The following RAD21 variants were observed in gnomAD, a reference collection of about 807,000 sequenced individuals.
RAD21 encodes double-strand-break repair protein rad21 homolog.
A neutral mutation model predicts 71.5 loss-of-function variants in RAD21; 18 were observed. The observed-to-expected ratio is 0.25, with a 90% CI of 0.17 to 0.37. The LOEUF (loss-of-function observed/expected upper bound fraction) is 0.37. Among genes scored for constraint, RAD21 ranks in the 10% least tolerant of loss-of-function variants. RAD21 has a pLI of 1.00. For synonymous variants in RAD21, 248 were observed against 254.0 expected (o/e 0.98, Z 0.22); for missense variants, 493 against 769.1 (o/e 0.64, Z 4.25).
Position 116,846,784 on chromosome 8 carries a change from G to A in RAD21, c.*716C>T. 4.5e-6 allele frequency: 1 copy of A among 219,834 alleles called. No individual in the cohort carries two copies. Among genetic ancestry groups the A allele is most frequent in the Non-Finnish European group, 9.1e-6 (1 of 109,624 alleles). The allele number at this position is 219,834 out of a possible 1,614,324, so 13.6% of individuals were successfully genotyped here. A position where few individuals can be genotyped will look rare whatever the true frequency, so the allele number is the denominator to read the frequency against. On this transcript the variant is annotated 3_prime_UTR_variant, in exon 14 of 14. Transcript: ENST00000297338. ...CTCTACTCTAATCAGGCCTAGCTTT[G>A]CTCATTTTGGAGCCTCACTAAAATA...
At chr8:116,851,663 T>G in intron 11 of RAD21, 1 of 262,460 alleles carries the variant, frequency 3.8e-6, no homozygotes. Flanking sequence ...CAGGAATGTT[T>G]GCCAAATAAT....
intron 7 of RAD21, 79 bp downstream of exon 7, chr8:116,856,565 TTA>T: frequency 7.8e-6 from 11 of 1,403,490 alleles, no homozygotes; most frequent in Non-Finnish European, 1.0e-5. Flanking sequence ...ACTACAACTT[TTA>T]GTTTGTCATC....
chr8:116,852,031 T>C lies in RAD21; in HGVS notation c.1387A>G (p.Ile463Val), dbSNP rs1191248488. The C allele has an allele frequency of 6.2e-7, 1 of 1,613,118 alleles. No individual in the cohort carries two copies. Among genetic ancestry groups the C allele is most frequent in the Admixed American group, 1.7e-5 (1 of 59,982 alleles). Reference protein sequence around the residue: ...ESVMEASRTNIDESAMPPPPP... With the variant: ...ESVMEASRTNVDESAMPPPPP... ...GGTGGAGGCATAGCTGACTCATCTATGTTTGTTCTGCTGGCCTCCATCACT... is the reference window on the plus strand; with the variant it reads ...GGTGGAGGCATAGCTGACTCATCTACGTTTGTTCTGCTGGCCTCCATCACT... The change falls in exon 11 of 14, where the codon ATA (isoleucine) becomes GTA (valine). Residue 463 changes from isoleucine (I) to valine (V), a missense_variant. Coordinates refer to ENST00000297338, the MANE Select transcript of RAD21 (RefSeq NM_006265.3).
At chr8:116,858,311 T>A in intron 5 of RAD21, 41 bp downstream of exon 5, 1 of 1,460,186 alleles carries the variant, frequency 6.8e-7, no homozygotes, top group Non-Finnish European at 9.6e-7. Flanking sequence ...CAACACAATA[T>A]AACATTATAA....
rs745435820 is a variant in RAD21, at chr8:116,857,391, A to C, written c.564T>G (p.Thr188=). 28 of 1,613,246 alleles carry C rather than the reference A, an allele frequency of 1.7e-5. No individual in the cohort carries two copies. Among genetic ancestry groups the C allele is most frequent in the Non-Finnish European group, 2.2e-5 (26 of 1,179,690 alleles). The change falls in exon 6 of 14, where the codon ACT becomes ACG. Residue 188 remains threonine, a synonymous_variant. Coordinates refer to ENST00000297338, the MANE Select transcript of RAD21 (RefSeq NM_006265.3). ...EDDDMLVSTT[T]SNLLLESEQS... ...GTTCAGACTCTAATAGGAGGTTAGAAGTAGTAGTGCTTACTAACATGTCGT... is the reference window on the plus strand; with the variant it reads ...GTTCAGACTCTAATAGGAGGTTAGACGTAGTAGTGCTTACTAACATGTCGT...
At chr8:116,852,258 A>AT in intron 10 of RAD21, 162 bp from the exon 11 acceptor site, 1 of 732,356 alleles carries the variant, frequency 1.4e-6, no homozygotes, top group Non-Finnish European at 2.1e-6. Flanking sequence ...CTCAATTTTT[A>AT]GCAATATACG....
Position 116,857,278 on chromosome 8 carries a change from C to T in RAD21, c.677G>A (p.Gly226Asp). ...KDDNFGEGND[G>D]GILDDKLISN... ...TCATTCCCACATACCTAATATTCCACCATCATTTCCTTCTCCAAAATTATC... is the reference window on the plus strand; with the variant it reads ...TCATTCCCACATACCTAATATTCCATCATCATTTCCTTCTCCAAAATTATC... Residue 226 changes from glycine to aspartate, a missense_variant, in exon 6 of 14, where the codon GGT becomes GAT. Coordinates refer to ENST00000297338, the MANE Select transcript of RAD21 (RefSeq NM_006265.3). The T allele has an allele frequency of 6.2e-7, 1 of 1,604,788 alleles. No individual in the cohort carries two copies. The highest frequency in any genetic ancestry group is 8.5e-7 in the Non-Finnish European group (1 of 1,173,896).
At chr8:116,866,465 C>A in intron 2 of RAD21, 121 bp downstream of exon 2, 2 of 809,768 alleles carry the variant, frequency 2.5e-6, no homozygotes, top group Non-Finnish European at 1.8e-6. Context: ...AATAAAGAAA[C>A]ATTTCTAAGG....
intron 2 of RAD21, among the ~76,000 whole-genome samples, chr8:116,865,721 C>T (rs1812675968): frequency 6.6e-6 from 1 of 152,090 alleles, no homozygotes; most frequent in South Asian, 2.1e-4. Flanking sequence ...GGTATGCCTT[C>T]TAGGCTTTCC....
At chr8:116,864,963 C>T (rs2130482537) in intron 2 of RAD21, among the ~76,000 whole-genome samples, 1 of 152,236 alleles carries the variant, frequency 6.6e-6, no homozygotes, top group East Asian at 1.9e-4. Flanking sequence ...TGCAAGCTTG[C>T]AGTTGCAAAT....
intron 11 of RAD21, 64 bp downstream of exon 11, chr8:116,851,884 T>C: frequency 1.3e-6 from 2 of 1,504,130 alleles, no homozygotes; most frequent in Non-Finnish European, 9.0e-7. Context: ...CCTCCCTAAA[T>C]ACCACTTGCT....
chr8:116,856,664 C>A lies in RAD21; in HGVS notation c.796G>T (p.Glu266Ter). Residue 266 changes from glutamate to a stop codon, truncating the protein, a stop_gained, in exon 7 of 14, where the codon GAG becomes TAG. Coordinates refer to ENST00000297338, the MANE Select transcript of RAD21 (RefSeq NM_006265.3). LOFTEE classifies it high-confidence loss of function. ...TGCTTACTTGATACATTATCATCCT[C>A]ATCCATATCGTCATGTGCAGGCTGC... ...PEQPAHDDMD[E>*]DDNVSMGGPD... The A allele has an allele frequency of 6.3e-7, 1 of 1,596,948 alleles. No individual in the cohort carries two copies. The highest frequency in any genetic ancestry group is 8.5e-7 in the Non-Finnish European group (1 of 1,171,600).
At chr8:116,874,033 A>C (rs1268859644) in intron 1 of RAD21, 1 of 152,426 alleles carries the variant, frequency 6.6e-6, no homozygotes, top group African/African-American at 2.4e-5. Context: ...GGAGGGCAGC[A>C]GCAGTCACTG....
chr8:116,870,406 C>T (rs1281118097), intron 1 of RAD21, among the ~76,000 whole-genome samples: 1 of 152,168 alleles, frequency 6.6e-6, no homozygotes, highest in Non-Finnish European at 1.5e-5. Flanking sequence ...ATACTATATT[C>T]TATACTAAGA....
At chr8:116,849,711 C>A (rs544673578) in intron 12 of RAD21, among the ~76,000 whole-genome samples, 1 of 152,284 alleles carries the variant, frequency 6.6e-6, no homozygotes, top group East Asian at 1.9e-4. Flanking sequence ...GAAACCACAA[C>A]TATTTTAATA....
rs763028310 is a variant in RAD21, at chr8:116,861,858, C to G, written c.357G>C (p.Gln119His). Reference protein sequence around the residue: ...TLPEEFHDFDQPLPDLDDIDV... With the variant: ...TLPEEFHDFDHPLPDLDDIDV... ...ACACATACTCTAAGTCAGGCAGTGGCTGATCAAAGTCATGAAATTCTTCAG... is the reference window on the plus strand; with the variant it reads ...ACACATACTCTAAGTCAGGCAGTGGGTGATCAAAGTCATGAAATTCTTCAG... The change falls in exon 4 of 14, where the codon CAG becomes CAC. Residue 119 changes from glutamine (Q) to histidine (H), a missense_variant. Physicochemically the swap from Gln to His is conservative, Grantham distance 24 (BLOSUM62 0). Around this residue, in one of 5 missense-constraint regions of RAD21, gnomAD observed 165 missense variants for 229.6 expected, o/e 0.72. Transcript: ENST00000297338. The G allele has an allele frequency of 1.2e-6, 2 of 1,610,472 alleles. No individual in the cohort carries two copies. Among genetic ancestry groups the G allele is most frequent in the Non-Finnish European group, 1.7e-6 (2 of 1,177,342 alleles).
In RAD21 at chr8:116,863,244, G is replaced by A; in HGVS notation, c.160C>T (p.Arg54Trp). 1 of 1,609,244 alleles carries A rather than the reference G, an allele frequency of 6.2e-7. No homozygotes were observed. Among genetic ancestry groups the A allele is most frequent in the Non-Finnish European group, 8.5e-7 (1 of 1,176,764 alleles). The change falls in exon 3 of 14, where the codon CGG becomes TGG. Residue 54 changes from arginine to tryptophan, a missense_variant. This residue lies in a region of RAD21 where 27 missense variants were observed against 144.1 expected (regional missense o/e 0.19). Coordinates refer to ENST00000297338, the MANE Select transcript of RAD21 (RefSeq NM_006265.3). The stretch of plus-strand genomic sequence containing the variant: ...CCCAGTAAGAGATGTCCTGATGTCC[G>A]TAATGCCATTTTCACCTATGAATAA... ...IISPKVKMAL[R>W]TSGHLLLGVV...
rs1438835712 is a variant in RAD21, at chr8:116,856,695, C to T, written c.765G>A (p.Leu255=). 1.3e-6 allele frequency: 2 copies of T among 1,594,986 alleles called. No individual in the cohort carries two copies. Among genetic ancestry groups the T allele is most frequent in the Non-Finnish European group, 1.7e-6 (2 of 1,170,330 alleles). The change falls in exon 7 of 14, where the codon TTG becomes TTA. Residue 255 remains leucine (L), a synonymous_variant. Transcript: ENST00000297338. ...PPALSEAGVM[L]PEQPAHDDMD... ...TATCGTCATGTGCAGGCTGCTCTGG[C>T]AACATCACCCCTGCCTCAGAGAGGG...
chr8:116,853,286 C>T (rs1216136296), intron 9 of RAD21, among the ~76,000 whole-genome samples: 1 of 152,124 alleles, frequency 6.6e-6, no homozygotes, highest in Non-Finnish European at 1.5e-5. Flanking sequence ...ACCATGTTAG[C>T]CAAGCTGGTC....
Sources: gnomAD v4.1 joint callset for allele counts (sites outside exome capture counted in the v4.1 genomes callset) on GRCh38, gnomAD v4.1.1 for gene constraint, gnomAD v4.1.1 regional missense constraint, MANE v1.5 for transcripts, NCBI Gene and HGNC (gene_info 2026-07-23, HGNC 2026-07-21) for gene names.